Variants in CLSTN1 observed in about 807,000 individuals in gnomAD.
The protein encoded by CLSTN1 is calsyntenin 1.
CLSTN1 carries 28 observed loss-of-function variants against 108.3 expected under a neutral mutation model. That is an observed-to-expected ratio of 0.26 (90% CI 0.19 to 0.35). The LOEUF is 0.35. CLSTN1 is among the 10% of genes least tolerant of loss of function. CLSTN1 has a pLI of 1.00. For synonymous variants in CLSTN1, 524 were observed against 534.9 expected (o/e 0.98, Z 0.28); for missense variants, 1,157 against 1,302.6 (o/e 0.89, Z 1.72).
Position 9,731,404 on chromosome 1 carries a change from AG to A in CLSTN1, c.2564-15del, listed in dbSNP as rs113551752. 4.8e-3 allele frequency: 7,693 copies of A among 1,612,054 alleles called. 129 individuals carry two copies. The highest frequency in any genetic ancestry group is 0.048 in the East Asian group (2,136 of 44,814). On this transcript the variant is annotated splice_polypyrimidine_tract_variant and intron_variant, in intron 17 of 18. Coordinates refer to ENST00000377298, the MANE Select transcript of CLSTN1 (RefSeq NM_001009566.3). ...TGCTGGGGACGACTGTGGGAGAATG[AG>A]GGGGCGGGATGCGAGGTCACTCGGC...
At position 9,751,018 on chromosome 1, in the gene CLSTN1, TCGCACCACTGTA is replaced by T. The variant is rs1438676919; in HGVS notation, c.649+443_649+454del. 6.4e-4 allele frequency among the ~76,000 whole-genome samples: 97 copies of T among 151,120 alleles called. 1 individual carries two copies. The highest frequency in any genetic ancestry group is 2.1e-3 in the African/African-American group (87 of 41,106). On this transcript the variant is annotated intron_variant, in intron 5 of 18. Coordinates refer to ENST00000377298, the MANE Select transcript of CLSTN1 (RefSeq NM_001009566.3). ...AGGCAGAGGTTGCAGTGAGCTGAGA[TCGCACCACTGTA>T]CTCCAGCCTGGGGAACAGAGTGAGA...
chr1:9,766,381 G>A (rs189681357), intron 2 of CLSTN1, among the ~76,000 whole-genome samples: 10 of 152,252 alleles, frequency 6.6e-5, no homozygotes, highest in African/African-American at 2.2e-4. Context: ...AAAATAGGCC[G>A]GGCGCGGTGG....
rs758759029 is a variant in CLSTN1 at position 9,744,033 on chromosome 1, T to A, written c.1235-28A>T. 8.7e-6 allele frequency: 14 copies of A among 1,605,478 alleles called. No individual in the cohort carries two copies. The African/African-American group carries it at 1.9e-4, about 21-fold the overall frequency. The stretch of plus-strand genomic sequence containing the variant: ...GCAAAGGCAGTTTCTATGGGTAAAT[T>A]GCCAACTAAAGATCCAAAGGAGAAA... On this transcript the variant is annotated intron_variant, in intron 8 of 18. Transcript: ENST00000377298.
chr1:9,751,359 C>T (rs188445196), intron 5 of CLSTN1, 114 bp downstream of exon 5: 1 of 963,016 alleles, frequency 1.0e-6, no homozygotes, highest in East Asian at 2.5e-5. Flanking sequence ...CAGGTTAGGT[C>T]TCCAACTTGT....
At chr1:9,778,131 C>G (rs574547326) in intron 1 of CLSTN1, among the ~76,000 whole-genome samples, 3 of 151,884 alleles carry the variant, frequency 2.0e-5, no homozygotes, top group Non-Finnish European at 4.4e-5. Context: ...TGTGATTAAA[C>G]ATGCAATCAC....
intron 1 of CLSTN1, among the ~76,000 whole-genome samples, chr1:9,805,073 T>A (rs1654448629): frequency 6.6e-6 from 1 of 151,904 alleles, no homozygotes. Context: ...TGAGCCGAGA[T>A]CGCGCCATAG....
At chr1:9,758,027 T>C (rs1279184337) in intron 2 of CLSTN1, among the ~76,000 whole-genome samples, 1 of 152,116 alleles carries the variant, frequency 6.6e-6, no homozygotes, top group Non-Finnish European at 1.5e-5. Flanking sequence ...GAACGGAGTT[T>C]CACTCTTGTT....
At chr1:9,813,063 G>A (rs1397625874) in intron 1 of CLSTN1, among the ~76,000 whole-genome samples, 2 of 152,086 alleles carry the variant, frequency 1.3e-5, no homozygotes, top group Non-Finnish European at 2.9e-5. Flanking sequence ...TACTCAGGAG[G>A]CTGAGGCATG....
chr1:9,731,960 T>C, intron 16 of CLSTN1, 64 bp from the exon 17 acceptor site: 1 of 1,601,316 alleles, frequency 6.2e-7, no homozygotes, highest in South Asian at 1.1e-5. Context: ...GAGGTGACAG[T>C]GGAGTCCCGC....
In CLSTN1 at chr1:9,759,276, TTTTG is replaced by T. The variant is rs138227882; in HGVS notation, c.215-2770_215-2767del. 2.2e-3 allele frequency among the ~76,000 whole-genome samples: 337 copies of T among 152,276 alleles called. 2 individuals carry two copies. Among genetic ancestry groups the T allele is most frequent in the Non-Finnish European group, 2.8e-3 (190 of 68,026 alleles). ...AATTTCAAATACAAATACAGTTTCT[TTTTG>T]TTTGTTTGTTTTGAGATGGAGTCCT... is the stretch of plus-strand genomic sequence containing the variant. On this transcript the variant is annotated intron_variant, in intron 2 of 18. Transcript: ENST00000377298.
chr1:9,794,400 C>T (rs1653899846), intron 1 of CLSTN1, among the ~76,000 whole-genome samples: 1 of 151,462 alleles, frequency 6.6e-6, no homozygotes, highest in Admixed American at 6.7e-5. Context: ...CCTCCTCCTC[C>T]CAGGCTCAAG....
intron 2 of CLSTN1, among the ~76,000 whole-genome samples, chr1:9,769,690 G>T (rs1652570846): frequency 6.6e-6 from 1 of 152,172 alleles, no homozygotes; most frequent in African/African-American, 2.4e-5. Context: ...TTAGACAGTG[G>T]TTGGCAGGTG....
intron 2 of CLSTN1, among the ~76,000 whole-genome samples, chr1:9,772,453 A>G (rs1435075876): frequency 6.6e-6 from 1 of 152,096 alleles, no homozygotes; most frequent in Non-Finnish European, 1.5e-5. Flanking sequence ...GATTACAGGC[A>G]TGTCACTGTG....
At chr1:9,781,818 G>C (rs1164560418) in intron 1 of CLSTN1, among the ~76,000 whole-genome samples, 1 of 151,916 alleles carries the variant, frequency 6.6e-6, no homozygotes, top group Non-Finnish European at 1.5e-5. Context: ...TTATAGCTTT[G>C]ATAGCTTTAA....
At chr1:9,822,435 G>A (rs1412553820) in intron 1 of CLSTN1, among the ~76,000 whole-genome samples, 1 of 152,072 alleles carries the variant, frequency 6.6e-6, no homozygotes, top group Non-Finnish European at 1.5e-5. Context: ...CTCTCCTTAT[G>A]TCACGCCAGG....
chr1:9,804,433 G>C (rs1654420068), intron 1 of CLSTN1, among the ~76,000 whole-genome samples: 1 of 151,734 alleles, frequency 6.6e-6, no homozygotes, highest in Non-Finnish European at 1.5e-5. Context: ...CATGGGAATG[G>C]ACACCACCTG....
At chr1:9,794,917 G>C (rs1653922868) in intron 1 of CLSTN1, among the ~76,000 whole-genome samples, 1 of 150,758 alleles carries the variant, frequency 6.6e-6, no homozygotes, top group African/African-American at 2.4e-5. Context: ...CAGTATTCAA[G>C]GCCTGATGGC....
intron 10 of CLSTN1, among the ~76,000 whole-genome samples, chr1:9,739,781 C>T (rs1368859279): frequency 6.6e-6 from 1 of 150,812 alleles, no homozygotes; most frequent in Non-Finnish European, 1.5e-5. Context: ...GACAGGGTCT[C>T]ACTCTGTTGC....
chr1:9,731,951 AG>A, intron 16 of CLSTN1, 55 bp from the exon 17 acceptor site: 1 of 1,609,076 alleles, frequency 6.2e-7, no homozygotes, highest in Non-Finnish European at 8.5e-7. Flanking sequence ...CCTGTCCAAG[AG>A]GTGACAGTGG....
Sources: gnomAD v4.1 joint callset for allele counts (sites outside exome capture counted in the v4.1 genomes callset) on GRCh38, gnomAD v4.1.1 for gene constraint, MANE v1.5 for transcripts, NCBI Gene and HGNC (gene_info 2026-07-23, HGNC 2026-07-21) for gene names.